Variants in CNDP1 observed in about 807,000 individuals in gnomAD.
CNDP1 encodes carnosine dipeptidase 1.
A neutral mutation model predicts 58.1 loss-of-function variants in CNDP1; 44 were observed. The observed-to-expected ratio is 0.76, with a 90% CI of 0.60 to 0.97. CNDP1 has a LOEUF of 0.97. Ranked by LOEUF, CNDP1 falls within the 50% of genes least tolerant of loss-of-function variation. The probability of loss-of-function intolerance (pLI) is 0.00; values close to 1 mark genes in which losing one functional copy is unlikely to be tolerated. For missense variants in CNDP1, 616 were observed against 655.1 expected (o/e 0.94, Z 0.65); for synonymous variants, 254 against 252.6 (o/e 1.01, Z -0.05).
At chr18:74,568,241 A>G (rs775103884) in intron 6 of CNDP1, among the ~76,000 whole-genome samples, 1 of 152,198 alleles carries the variant, frequency 6.6e-6, no homozygotes, top group South Asian at 2.1e-4. Context: ...GTCAGCACAT[A>G]CACGGAAACA....
At chr18:74,578,419 C>T in intron 9 of CNDP1, 92 bp downstream of exon 9, 8 of 1,266,950 alleles carry the variant, frequency 6.3e-6, no homozygotes, top group Non-Finnish European at 8.7e-6. Context: ...AGGTTGCTAC[C>T]ATTGGAGTAT....
chr18:74,550,742 A>ATT (rs34869467), intron 1 of CNDP1, among the ~76,000 whole-genome samples: 2 of 146,024 alleles, frequency 1.4e-5, no homozygotes, highest in Non-Finnish European at 3.0e-5. Context: ...ACGCCCGACT[A>ATT]TTTTTTTTTT....
rs998947658 is a variant in CNDP1 at position 74,545,742 on chromosome 18, T to G, written c.25-10596T>G. Among the ~76,000 whole-genome samples, 2 of 152,168 alleles carry G rather than the reference T, an allele frequency of 1.3e-5. No homozygotes were observed. The highest frequency in any genetic ancestry group is 2.9e-5 in the Non-Finnish European group (2 of 68,040). On this transcript the variant is annotated intron_variant, in intron 1 of 11. Transcript: ENST00000358821. The surrounding 1 kb of genome is among the most constrained non-coding windows in gnomAD (Gnocchi z 4.1). ...ATTGTACAGTCTCCCCTGCAGGTAT[T>G]CTGTAAATATCCTATCGACACTTTT...
intron 8 of CNDP1, chr18:74,577,714 T>G (rs1276723815): frequency 6.5e-6 from 1 of 153,452 alleles, no homozygotes; most frequent in African/African-American, 2.4e-5. Context: ...GAAAGAAAAC[T>G]GGCTTAAACA....
At chr18:74,578,770 T>C (rs1042985950) in intron 9 of CNDP1, among the ~76,000 whole-genome samples, 1 of 152,196 alleles carries the variant, frequency 6.6e-6, no homozygotes, top group African/African-American at 2.4e-5. Context: ...GGTTTACACA[T>C]AGATGGAGTA....
Position 74,584,820 on chromosome 18 carries a change from T to G in CNDP1, c.*258T>G, listed in dbSNP as rs905319483. On this transcript the variant is annotated 3_prime_UTR_variant, in exon 12 of 12. Coordinates refer to ENST00000358821, the MANE Select transcript of CNDP1 (RefSeq NM_032649.6). The stretch of plus-strand genomic sequence containing the variant: ...GCAGCAACTTGATTTCCCCAAGTCC[T>G]GTGCAATAGCCCCAGGATTGGATTC... 5.3e-5 allele frequency: 23 copies of G among 433,266 alleles called. No homozygotes were observed. Among genetic ancestry groups the G allele is most frequent in the Non-Finnish European group, 9.2e-5 (22 of 240,014 alleles). 26.8% of individuals were successfully genotyped at this position (433,266 alleles called of 1,614,324 possible). A position where few individuals can be genotyped will look rare whatever the true frequency, so the allele number is the denominator to read the frequency against.
intron 1 of CNDP1, among the ~76,000 whole-genome samples, chr18:74,547,644 G>A (rs1980795949): frequency 6.6e-6 from 1 of 152,180 alleles, no homozygotes; most frequent in Admixed American, 6.5e-5. Context: ...CAACTCTCCA[G>A]TTGTTAGCAA....
At chr18:74,579,278 C>T (rs932746311) in intron 9 of CNDP1, among the ~76,000 whole-genome samples, 4 of 148,580 alleles carry the variant, frequency 2.7e-5, no homozygotes, top group Middle Eastern at 3.2e-3. Flanking sequence ...TCCTTCCTCC[C>T]GCCCTCCTTC....
intron 7 of CNDP1, among the ~76,000 whole-genome samples, chr18:74,571,746 C>T (rs1314532924): frequency 6.6e-6 from 1 of 152,098 alleles, no homozygotes; most frequent in Non-Finnish European, 1.5e-5. Context: ...CAGGTGAGGC[C>T]CTTCACCCAC....
Position 74,535,580 on chromosome 18 carries a change from C to CT in CNDP1, c.24+903dup, listed in dbSNP as rs10685765. 1.6e-4 allele frequency among the ~76,000 whole-genome samples: 17 copies of CT among 106,384 alleles called. 1 individual carries two copies. The highest frequency in any genetic ancestry group is 6.1e-4 in the Admixed American group (5 of 8,228). The allele number at this position is 106,384 out of a possible 152,430, so 69.8% of individuals were successfully genotyped here. ...GTCTGGCCATGCTTTCCATTGCTGA[C>CT]TTTTTTTTTTTTTTAAAGAACCCAT... On this transcript the variant is annotated intron_variant, in intron 1 of 11. Transcript: ENST00000358821.
rs776204815 is a variant in CNDP1, at chr18:74,556,311, C to T, written c.25-27C>T. The T allele has an allele frequency of 2.4e-5, 39 of 1,602,022 alleles. No homozygotes were observed. In the East Asian group the frequency reaches 6.0e-4, roughly 25 times the overall value. On this transcript the variant is annotated intron_variant, in intron 1 of 11. Transcript: ENST00000358821. ...CCAGCAACTGGCATTGATTTTCATT[C>T]GTTCCTCCCATGTCAAACCCTTCCA...
chr18:74,552,578 C>T (rs1045528218), intron 1 of CNDP1, among the ~76,000 whole-genome samples: 2 of 152,204 alleles, frequency 1.3e-5, no homozygotes, highest in Middle Eastern at 3.2e-3. Flanking sequence ...TACACTGTAG[C>T]ATGTACCAGT....
Position 74,556,318 on chromosome 18 carries a change from C to T in CNDP1, c.25-20C>T, listed in dbSNP as rs201772082. 3.4e-4 allele frequency: 549 copies of T among 1,607,856 alleles called. 1 individual carries two copies. Among genetic ancestry groups the T allele is most frequent in the Admixed American group, 1.8e-3 (105 of 58,062 alleles). ...CTGGCATTGATTTTCATTCGTTCCT[C>T]CCATGTCAAACCCTTCCAGGCTGCG... is the stretch of plus-strand genomic sequence containing the variant. On this transcript the variant is annotated intron_variant, in intron 1 of 11. Transcript: ENST00000358821.
At chr18:74,543,316 C>G (rs1165236334) in intron 1 of CNDP1, among the ~76,000 whole-genome samples, 1 of 151,782 alleles carries the variant, frequency 6.6e-6, no homozygotes, top group Non-Finnish European at 1.5e-5. Flanking sequence ...ATGGTGAGAC[C>G]CCCCTGTTTC....
intron 1 of CNDP1, among the ~76,000 whole-genome samples, chr18:74,541,881 C>A (rs1055327079): frequency 6.6e-6 from 1 of 152,170 alleles, no homozygotes; most frequent in Non-Finnish European, 1.5e-5. Context: ...CAGCTTCCGG[C>A]GCCACAGGAC....
chr18:74,543,295 GC>G (rs1412304610), intron 1 of CNDP1, among the ~76,000 whole-genome samples: 1 of 152,104 alleles, frequency 6.6e-6, no homozygotes, highest in Non-Finnish European at 1.5e-5. Flanking sequence ...TTTGAGACCA[GC>G]CTGGGCAATA....
intron 10 of CNDP1, among the ~76,000 whole-genome samples, chr18:74,581,014 A>G (rs7242384): frequency 0.47 from 71,433 of 152,086 alleles, 19,333 homozygotes; most frequent in Admixed American, 0.6. Flanking sequence ...ATGACATCAG[A>G]GGAAATCCTT....
At chr18:74,575,026 GGGAGGGAT>G (rs1346940185) in intron 7 of CNDP1, among the ~76,000 whole-genome samples, 2 of 148,966 alleles carry the variant, frequency 1.3e-5, no homozygotes, top group African/African-American at 5.0e-5. Flanking sequence ...AGGAAAGGAA[GGGAGGGAT>G]GGAGGGAAGG....
chr18:74,543,265 A>G (rs1980673550), intron 1 of CNDP1, among the ~76,000 whole-genome samples: 1 of 152,150 alleles, frequency 6.6e-6, no homozygotes, highest in Non-Finnish European at 1.5e-5. Context: ...CGAGGCAGGC[A>G]GATCACTTGA....
Sources: gnomAD v4.1 joint callset for allele counts (sites outside exome capture counted in the v4.1 genomes callset) on GRCh38, gnomAD v4.1.1 for gene constraint, Gnocchi (gnomAD v3.1) non-coding constraint, MANE v1.5 for transcripts, NCBI Gene and HGNC (gene_info 2026-07-23, HGNC 2026-07-21) for gene names.